APH1B: variants seen among roughly 807,000 people sequenced by gnomAD.
APH1B encodes gamma-secretase subunit APH-1B.
Under a neutral mutation model 28.2 loss-of-function variants are expected in APH1B, and 27 were observed. The observed-to-expected ratio is 0.96, with a 90% CI of 0.70 to 1.32. The LOEUF is 1.32. Ranked by LOEUF, APH1B falls within the 40% of genes most tolerant of loss-of-function variation. The probability of loss-of-function intolerance (pLI) is 0.00; values close to 1 mark genes in which losing one functional copy is unlikely to be tolerated. For missense variants in APH1B, 305 were observed against 313.6 expected, an observed-to-expected ratio of 0.97 and a Z score of 0.21; for synonymous variants, 141 against 124.6, an observed-to-expected ratio of 1.13 and a Z score of -0.88.
At chr15:63,287,029 C>A (rs2038453961) in intron 3 of APH1B, among the ~76,000 whole-genome samples, 2 of 152,152 alleles carry the variant, frequency 1.3e-5, no homozygotes, top group Admixed American at 1.3e-4. Flanking sequence ...TCTAGGTTCC[C>A]CACTTGGGCT....
At chr15:63,295,307 T>G (rs550107396) in intron 4 of APH1B, among the ~76,000 whole-genome samples, 49 of 152,372 alleles carry the variant, frequency 3.2e-4, no homozygotes, top group African/African-American at 1.1e-3. Flanking sequence ...GCCCGCTGCC[T>G]GAAGGCAGGT....
intron 2 of APH1B, among the ~76,000 whole-genome samples, chr15:63,285,606 G>A (rs544479601): frequency 4.6e-5 from 7 of 152,270 alleles, no homozygotes; most frequent in South Asian, 2.1e-4. Context: ...ACAGAAGGAT[G>A]CATAAGATCA....
At chr15:63,285,422 A>G (rs1251509809) in intron 2 of APH1B, among the ~76,000 whole-genome samples, 1 of 152,214 alleles carries the variant, frequency 6.6e-6, no homozygotes. Flanking sequence ...GCCTTAATAA[A>G]TATACTTTAT....
chr15:63,302,558 A>T (rs2038644226), intron 5 of APH1B, 86 bp downstream of exon 5: 35 of 1,484,042 alleles, frequency 2.4e-5, no homozygotes, highest in Non-Finnish European at 3.1e-5. Context: ...GATGAAATAC[A>T]CGCTCATGAG....
At chr15:63,283,639 T>A (rs2038413236) in intron 2 of APH1B, among the ~76,000 whole-genome samples, 1 of 152,188 alleles carries the variant, frequency 6.6e-6, no homozygotes, top group Non-Finnish European at 1.5e-5. Flanking sequence ...CCCATCTGTG[T>A]TGTCTCTTCA....
At chr15:63,301,118 C>T (rs561903276) in intron 4 of APH1B, among the ~76,000 whole-genome samples, 10 of 152,288 alleles carry the variant, frequency 6.6e-5, no homozygotes, top group East Asian at 1.9e-4. Flanking sequence ...TCAGGAAGTG[C>T]GGGGTGGGTC....
chr15:63,279,636 A>G (rs754386396), intron 2 of APH1B, among the ~76,000 whole-genome samples: 7 of 152,204 alleles, frequency 4.6e-5, no homozygotes, highest in Non-Finnish European at 1.0e-4. Flanking sequence ...AGCTTATATT[A>G]TAGTAGGAAG....
chr15:63,279,685 A>T (rs1241934298), intron 2 of APH1B, among the ~76,000 whole-genome samples: 1 of 152,174 alleles, frequency 6.6e-6, no homozygotes, highest in Non-Finnish European at 1.5e-5. Flanking sequence ...ATACACTGGT[A>T]TAGTAGGTAA....
intron 5 of APH1B, among the ~76,000 whole-genome samples, chr15:63,303,341 A>C (rs936965662): frequency 4.5e-5 from 3 of 67,366 alleles, no homozygotes; most frequent in Non-Finnish European, 1.4e-4. Context: ...TTCTGTCAAC[A>C]GAGTCACACA....
At chr15:63,281,557 A>T (rs1335037491) in intron 2 of APH1B, among the ~76,000 whole-genome samples, 11 of 152,020 alleles carry the variant, frequency 7.2e-5, no homozygotes, top group Non-Finnish European at 1.6e-4. Context: ...AAAAACAAAA[A>T]AAAACACAAT....
intron 2 of APH1B, among the ~76,000 whole-genome samples, chr15:63,283,668 T>A (rs2038413437): frequency 6.6e-6 from 1 of 152,216 alleles, no homozygotes; most frequent in African/African-American, 2.4e-5. Flanking sequence ...ATAGTGTCCT[T>A]TGTAGCATCA....
intron 4 of APH1B, among the ~76,000 whole-genome samples, chr15:63,295,100 C>T (rs2038550425): frequency 6.6e-6 from 1 of 152,172 alleles, no homozygotes; most frequent in African/African-American, 2.4e-5. Context: ...CATCCAAGGT[C>T]TTATGGGCTT....
chr15:63,300,998 G>C (rs1226897076), intron 4 of APH1B, among the ~76,000 whole-genome samples: 1 of 152,210 alleles, frequency 6.6e-6, no homozygotes, highest in Non-Finnish European at 1.5e-5. Context: ...TCCTTGTGCA[G>C]ATGTGTACGT....
At chr15:63,286,694 C>A in intron 3 of APH1B, 66 bp downstream of exon 3, 1 of 1,401,146 alleles carries the variant, frequency 7.1e-7, no homozygotes, top group Non-Finnish European at 9.8e-7. Context: ...TCATTTGCAT[C>A]TTTTGTATCT....
At chr15:63,277,802 C>T (rs967623094) in intron 1 of APH1B, 66 bp downstream of exon 1, 1 of 1,469,482 alleles carries the variant, frequency 6.8e-7, no homozygotes, top group Admixed American at 1.9e-5. Flanking sequence ...TTACCCGCGA[C>T]CCTCGGCGCC....
In APH1B at chr15:63,308,001, G is replaced by C. The variant is rs2038704688; in HGVS notation, c.*2220G>C. On this transcript the variant is annotated 3_prime_UTR_variant, in exon 6 of 6. Coordinates refer to ENST00000261879, the MANE Select transcript of APH1B (RefSeq NM_031301.4). ...TTCCAGAGTCAGCTTAGACACTGTT[G>C]TCGCAAATAGCCATGCTTTGCCTTA... The C allele has an allele frequency of 6.6e-6, 1 of 152,126 alleles. No individual in the cohort carries two copies. Among genetic ancestry groups the C allele is most frequent in the Non-Finnish European group, 1.5e-5 (1 of 68,012 alleles). The allele number at this position is 152,126 out of a possible 1,614,324, so 9.4% of individuals were successfully genotyped here.
intron 4 of APH1B, chr15:63,291,701 T>C (rs762490170): frequency 6.6e-6 from 1 of 152,212 alleles, no homozygotes; most frequent in Non-Finnish European, 1.5e-5. Flanking sequence ...ATAAGTCTCA[T>C]GGTGGCTGGA....
intron 3 of APH1B, 156 bp from the exon 4 acceptor site, chr15:63,287,268 G>A (rs1057263503): frequency 1.1e-6 from 1 of 898,366 alleles, no homozygotes; most frequent in South Asian, 2.1e-5. Flanking sequence ...TCATCATTTA[G>A]CCAAGCACAT....
intron 4 of APH1B, among the ~76,000 whole-genome samples, chr15:63,296,397 G>A (rs1269922492): frequency 1.3e-5 from 2 of 152,250 alleles, no homozygotes; most frequent in African/African-American, 4.8e-5. Context: ...CCCAGCAGCA[G>A]CCTTTGGCTT....
Sources: allele counts gnomAD v4.1 joint callset (sites outside exome capture counted in the v4.1 genomes callset), GRCh38; gene constraint gnomAD v4.1.1; transcripts MANE v1.5; gene names NCBI Gene and HGNC (gene_info 2026-07-23, HGNC 2026-07-21).